Variants in MEF2A observed in about 807,000 individuals in gnomAD.
The protein encoded by MEF2A is myocyte-specific enhancer factor 2A.
Under a neutral mutation model 55.8 loss-of-function variants are expected in MEF2A, and 28 were observed. That is an observed-to-expected ratio of 0.50 (90% confidence interval 0.37 to 0.69). MEF2A has a LOEUF of 0.69. MEF2A is among the 30% of genes least tolerant of loss of function. The pLI is 0.00. For synonymous variants in MEF2A, 239 were observed against 227.1 expected, an observed-to-expected ratio of 1.05 and a Z score of -0.47; for missense variants, 528 against 626.2, an observed-to-expected ratio of 0.84 and a Z score of 1.67.
At chr15:99,698,227 G>A (rs1212933306) in intron 8 of MEF2A, among the ~76,000 whole-genome samples, 1 of 152,208 alleles carries the variant, frequency 6.6e-6, no homozygotes, top group East Asian at 1.9e-4. Flanking sequence ...ACTGTTCAGA[G>A]AGTATAGGAC....
chr15:99,634,770 T>C (rs2043493459), intron 3 of MEF2A, among the ~76,000 whole-genome samples: 2 of 152,224 alleles, frequency 1.3e-5, no homozygotes, highest in South Asian at 4.1e-4. Context: ...GAGGCTGTTC[T>C]TACGTTGGAC....
Position 99,606,798 on chromosome 15 carries a change from C to T in MEF2A, c.-143+8287C>T, listed in dbSNP as rs112074114. ...TAAGAAACATCTTGACATTTACATA[C>T]CCTGTGATGCATTAATTTCTTTTCA... On this transcript the variant is annotated intron_variant, in intron 2 of 11. Coordinates refer to ENST00000557942, the MANE Select transcript of MEF2A (RefSeq NM_001319206.4). 9.2e-5 allele frequency among the ~76,000 whole-genome samples: 14 copies of T among 152,240 alleles called. 1 individual carries two copies. The highest frequency in any genetic ancestry group is 3.4e-4 in the African/African-American group (14 of 41,530).
chr15:99,572,950 A>G (rs1356822735), intron 1 of MEF2A, among the ~76,000 whole-genome samples: 1 of 152,200 alleles, frequency 6.6e-6, no homozygotes, highest in Non-Finnish European at 1.5e-5. Flanking sequence ...CCAACCTATT[A>G]TAGTAGATAT....
chr15:99,645,672 C>G lies in MEF2A; in HGVS notation c.166C>G (p.Gln56Glu), dbSNP rs1207528298. The G allele has an allele frequency of 1.2e-6, 2 of 1,613,584 alleles. No homozygotes were observed. Among genetic ancestry groups the G allele is most frequent in the Non-Finnish European group, 1.7e-6 (2 of 1,179,626 alleles). ...IIFNSSNKLFQYASTDMDKVL... is the reference protein window; with the variant it reads ...IIFNSSNKLFEYASTDMDKVL... ...TTTCAACAGCTCTAACAAACTGTTT[C>G]AATATGCTAGCACTGATATGGACAA... Residue 56 changes from glutamine to glutamate, a missense_variant, in exon 4 of 12, where the codon CAA becomes GAA. Physicochemically the swap from Gln to Glu is conservative, Grantham distance 29. This residue lies in a region of MEF2A where 78 missense variants were observed against 150.9 expected (regional missense o/e 0.52). Coordinates refer to ENST00000557942, the MANE Select transcript of MEF2A (RefSeq NM_001319206.4).
At chr15:99,695,718 G>A (rs1167315451) in intron 8 of MEF2A, among the ~76,000 whole-genome samples, 1 of 152,046 alleles carries the variant, frequency 6.6e-6, no homozygotes, top group East Asian at 1.9e-4. Context: ...AATTAGCTGG[G>A]CATGGTAGCA....
At chr15:99,603,938 G>A (rs1974202245) in intron 2 of MEF2A, among the ~76,000 whole-genome samples, 1 of 152,154 alleles carries the variant, frequency 6.6e-6, no homozygotes, top group Non-Finnish European at 1.5e-5. Flanking sequence ...AGGTGCATGC[G>A]TAATAAGGGT....
chr15:99,582,331 G>A (rs973794327), intron 1 of MEF2A, among the ~76,000 whole-genome samples: 1 of 152,108 alleles, frequency 6.6e-6, no homozygotes, highest in African/African-American at 2.4e-5. Flanking sequence ...TGGGGGTAAA[G>A]ATTGTCCTTT....
intron 1 of MEF2A, among the ~76,000 whole-genome samples, chr15:99,584,551 A>C (rs968524483): frequency 3.9e-5 from 6 of 152,180 alleles, no homozygotes; most frequent in African/African-American, 1.4e-4. Flanking sequence ...AATCTTGAAA[A>C]CATGTTAAGT....
Position 99,710,756 on chromosome 15 carries a change from C to A in MEF2A, c.1132C>A (p.Leu378Ile). Residue 378 changes from leucine to isoleucine, a missense_variant, in exon 11 of 12, where the codon CTT becomes ATT. Leu to Ile is a conservative substitution (Grantham distance 5). Around this residue, in one of 2 missense-constraint regions of MEF2A, gnomAD observed 450 missense variants for 475.3 expected, o/e 0.95. Transcript: ENST00000557942. ...CCTAGGACAAGCAGCCCTCAGCTCT[C>A]TTGTGTGAGTAACTAGAAGTTTTCC... ...HHLGQAALSSLVAGGQLSQGS... is the reference protein window; with the variant it reads ...HHLGQAALSSIVAGGQLSQGS... 1.3e-6 allele frequency: 2 copies of A among 1,599,138 alleles called. No homozygotes were observed. The highest frequency in any genetic ancestry group is 1.7e-6 in the Non-Finnish European group (2 of 1,167,456).
In MEF2A at chr15:99,573,142, G is replaced by T. The variant is rs181726246; in HGVS notation, c.-225+7038G>T. 3.0e-3 allele frequency among the ~76,000 whole-genome samples: 458 copies of T among 152,258 alleles called. 4 individuals carry two copies. The highest frequency in any genetic ancestry group is 0.01 in the African/African-American group (429 of 41,562). On this transcript the variant is annotated intron_variant, in intron 1 of 11. Transcript: ENST00000557942. Reference sequence around the variant, plus strand: ...TCTCTACTAAAAATACAAAAAATTAGCCGGGCGTGGTGGTGGGCACCAGTA... The same window carrying T: ...TCTCTACTAAAAATACAAAAAATTATCCGGGCGTGGTGGTGGGCACCAGTA...
At chr15:99,711,797 A>G (rs2058666228) in intron 11 of MEF2A, among the ~76,000 whole-genome samples, 1 of 152,266 alleles carries the variant, frequency 6.6e-6, no homozygotes, top group African/African-American at 2.4e-5. Flanking sequence ...TTTGGCCCTC[A>G]GGCCTGTCCT....
chr15:99,714,272 G>A lies in MEF2A; in HGVS notation c.*1501G>A, dbSNP rs2058941601. The A allele has an allele frequency of 6.6e-6, 1 of 152,160 alleles. No homozygotes were observed. The highest frequency in any genetic ancestry group is 1.5e-5 in the Non-Finnish European group (1 of 68,020). 9.4% of individuals were successfully genotyped at this position (152,160 alleles called of 1,614,324 possible). On this transcript the variant is annotated 3_prime_UTR_variant, in exon 12 of 12. Coordinates refer to ENST00000557942, the MANE Select transcript of MEF2A (RefSeq NM_001319206.4). ...TTATTTAAAACTTGCCTTTTGTGAG[G>A]AAAAAATGTAGTAGAAAAAGCTGAC...
At chr15:99,605,472 G>A (rs1974730746) in intron 2 of MEF2A, among the ~76,000 whole-genome samples, 1 of 152,098 alleles carries the variant, frequency 6.6e-6, no homozygotes, top group Non-Finnish European at 1.5e-5. Context: ...GAACTATATT[G>A]TGCAAGGTGG....
At chr15:99,634,553 A>T (rs1481929612) in intron 3 of MEF2A, among the ~76,000 whole-genome samples, 1 of 152,192 alleles carries the variant, frequency 6.6e-6, no homozygotes, top group Non-Finnish European at 1.5e-5. Context: ...AAAGAACTGG[A>T]GGACACATAA....
intron 8 of MEF2A, among the ~76,000 whole-genome samples, chr15:99,691,737 A>G (rs1445921305): frequency 6.6e-6 from 1 of 151,376 alleles, no homozygotes. Context: ...CCACAGAACT[A>G]TTGTAGGATA....
At chr15:99,698,040 C>T (rs2056772788) in intron 8 of MEF2A, among the ~76,000 whole-genome samples, 1 of 152,062 alleles carries the variant, frequency 6.6e-6, no homozygotes, top group South Asian at 2.1e-4. Context: ...ACAAAAACAA[C>T]CCAAAGTCTG....
Position 99,674,711 on chromosome 15 carries a change from T to C in MEF2A, c.610+99T>C, listed in dbSNP as rs2051578750. 6 of 1,008,742 alleles carry C rather than the reference T, an allele frequency of 5.9e-6. No individual in the cohort carries two copies. In the Admixed American group the frequency reaches 1.1e-4, roughly 18 times the overall value. The allele number at this position is 1,008,742 out of a possible 1,614,324, so 62.5% of individuals were successfully genotyped here. On this transcript the variant is annotated intron_variant, in intron 6 of 11. Coordinates refer to ENST00000557942, the MANE Select transcript of MEF2A (RefSeq NM_001319206.4). ...TCTTATTTTGCTATTCTTTTATTGCTTTGATGAGCAAGAATCACTGATACA... is the reference window on the plus strand; with the variant it reads ...TCTTATTTTGCTATTCTTTTATTGCCTTGATGAGCAAGAATCACTGATACA...
intron 1 of MEF2A, among the ~76,000 whole-genome samples, chr15:99,593,229 CTG>C (rs1969963741): frequency 6.6e-6 from 1 of 152,130 alleles, no homozygotes. Context: ...GAATTTTTAT[CTG>C]TCTCTTGTAC....
chr15:99,649,102 C>T (rs1239190259), intron 4 of MEF2A, among the ~76,000 whole-genome samples: 2 of 151,664 alleles, frequency 1.3e-5, no homozygotes, highest in Admixed American at 6.6e-5. Flanking sequence ...ATTTTTTAAA[C>T]TTTGGTTAGA....
Sources: allele counts gnomAD v4.1 joint callset (sites outside exome capture counted in the v4.1 genomes callset), GRCh38; gene constraint gnomAD v4.1.1; regional missense constraint gnomAD v4.1.1; transcripts MANE v1.5; gene names NCBI Gene and HGNC (gene_info 2026-07-23, HGNC 2026-07-21).